Variants in SNTG2 observed in about 807,000 individuals in gnomAD.
The protein encoded by SNTG2 is syntrophin gamma 2, also known as gamma-2-syntrophin.
In SNTG2, 74 loss-of-function variants were observed where a neutral mutation model predicts 70.9. That is an observed-to-expected ratio of 1.04 (90% CI 0.86 to 1.27). The LOEUF is 1.27. Ranked by LOEUF, SNTG2 falls within the 50% of genes most tolerant of loss-of-function variation. The pLI, the probability that SNTG2 is intolerant of heterozygous loss-of-function variation, is 0.00. For missense variants in SNTG2, 717 were observed against 690.7 expected, an observed-to-expected ratio of 1.04 and a Z score of -0.43; for synonymous variants, 278 against 273.8, an observed-to-expected ratio of 1.02 and a Z score of -0.15.
At chr2:1,067,605 G>A (rs1251850233) in intron 1 of SNTG2, among the ~76,000 whole-genome samples, 1 of 152,110 alleles carries the variant, frequency 6.6e-6, no homozygotes, top group Non-Finnish European at 1.5e-5. Context: ...TGAAGTTTGG[G>A]CTCAAAGAGA....
intron 14 of SNTG2, among the ~76,000 whole-genome samples, chr2:1,297,788 G>A (rs1365350231): frequency 4.6e-5 from 7 of 152,198 alleles, no homozygotes; most frequent in Non-Finnish European, 1.0e-4. Flanking sequence ...TCTTGTCCTC[G>A]TTCCACGTTA....
chr2:1,223,771 T>C (rs112880476), intron 9 of SNTG2, among the ~76,000 whole-genome samples: 22 of 152,332 alleles, frequency 1.4e-4, no homozygotes, highest in African/African-American at 5.1e-4. Context: ...CTCAGCACAC[T>C]AACCTGGCTC....
rs541599583 is a variant in SNTG2, at chr2:1,126,768, T to C, written c.326-10854T>C. On this transcript the variant is annotated intron_variant, in intron 4 of 16. Transcript: ENST00000308624. The stretch of plus-strand genomic sequence containing the variant: ...TTCATATATTTAGTCATTTTTCTTC[T>C]TTTGAGAAATGTCTATTCAGCTGAT... 1.0e-3 allele frequency among the ~76,000 whole-genome samples: 154 copies of C among 152,340 alleles called. 2 individuals are homozygous for C. The South Asian group carries it at 0.019, about 19-fold the overall frequency.
chr2:1,274,530 A>G lies in SNTG2; in HGVS notation c.1284+6959A>G, dbSNP rs182949224. 4.6e-5 allele frequency among the ~76,000 whole-genome samples: 7 copies of G among 152,290 alleles called. No individual in the cohort carries two copies. The East Asian group carries it at 1.4e-3, about 29-fold the overall frequency. ...GTCCACTTCATTGAGTTTTTCTTTC[A>G]CGGATTGTGTTTTTGGTGTCACACC... On this transcript the variant is annotated intron_variant, in intron 14 of 16. Transcript: ENST00000308624.
At chr2:1,113,635 C>G (rs951131718) in intron 4 of SNTG2, among the ~76,000 whole-genome samples, 1 of 151,340 alleles carries the variant, frequency 6.6e-6, no homozygotes, top group Non-Finnish European at 1.5e-5. Flanking sequence ...TGAGGTTTAA[C>G]CCTTACAGTC....
chr2:989,776 T>G (rs1661432416), intron 1 of SNTG2, among the ~76,000 whole-genome samples: 1 of 152,256 alleles, frequency 6.6e-6, no homozygotes, highest in African/African-American at 2.4e-5. Context: ...GACTTAAGAC[T>G]AGACCCTTCT....
intron 7 of SNTG2, among the ~76,000 whole-genome samples, chr2:1,169,596 C>T (rs5024306): frequency 0.32 from 48,212 of 151,854 alleles, 8,193 homozygotes; most frequent in East Asian, 0.65. Context: ...CCTGTGGGGC[C>T]GGAGGCTGTC....
intron 1 of SNTG2, among the ~76,000 whole-genome samples, chr2:991,973 A>G (rs1487633508): frequency 6.6e-6 from 1 of 152,172 alleles, no homozygotes; most frequent in Non-Finnish European, 1.5e-5. Context: ...AAGTGACAGA[A>G]ACATTGACTC....
chr2:1,117,418 T>TC (rs2148277869), intron 4 of SNTG2, among the ~76,000 whole-genome samples: 1 of 152,320 alleles, frequency 6.6e-6, no homozygotes, highest in South Asian at 2.1e-4. Context: ...TTCCTTTTTT[T>TC]CTTTCTCGTT....
At chr2:1,083,370 T>C in intron 1 of SNTG2, 148 bp from the exon 2 acceptor site, 1 of 603,654 alleles carries the variant, frequency 1.7e-6, no homozygotes. Flanking sequence ...ATGAATCAAA[T>C]CCTTATCGGT....
At chr2:1,310,093 C>T (rs1572960156) in intron 15 of SNTG2, among the ~76,000 whole-genome samples, 1 of 152,230 alleles carries the variant, frequency 6.6e-6, no homozygotes, top group Non-Finnish European at 1.5e-5. Flanking sequence ...GCTTCTTGCT[C>T]TGTGTTTCAA....
chr2:1,267,492 A>T lies in SNTG2; in HGVS notation c.1205A>T (p.Asn402Ile). The T allele has an allele frequency of 6.2e-7, 1 of 1,613,918 alleles. No individual in the cohort carries two copies. The highest frequency in any genetic ancestry group is 8.5e-7 in the Non-Finnish European group (1 of 1,179,892). The part of the protein sequence containing the change: ...VAGHGKSHVF[N>I]VELGSELAMW... ...GGCCATGGGAAGAGCCATGTTTTCAACGTGGAGCTTGGCAGCGAGCTGGCC... is the reference window on the plus strand; with the variant it reads ...GGCCATGGGAAGAGCCATGTTTTCATCGTGGAGCTTGGCAGCGAGCTGGCC... The change falls in exon 14 of 17, where the codon AAC becomes ATC. Residue 402 changes from asparagine to isoleucine, a missense_variant. By Grantham distance (149) the Asn-to-Ile change is moderately radical. Transcript: ENST00000308624.
intron 13 of SNTG2, among the ~76,000 whole-genome samples, chr2:1,262,531 T>C (rs1678466380): frequency 6.6e-6 from 1 of 151,440 alleles, no homozygotes; most frequent in African/African-American, 2.5e-5. Context: ...AAGCAAATGC[T>C]CTAAAGATAG....
chr2:1,181,856 A>G lies in SNTG2; in HGVS notation c.591+8673A>G, dbSNP rs1239603217. ...CGTAGTTTAAGATTCTAAGTTCATT[A>G]TTTATACTATGCCATTTTTGTCTCA... On this transcript the variant is annotated intron_variant, in intron 8 of 16. Transcript: ENST00000308624. Among the ~76,000 whole-genome samples, 5 of 152,136 alleles carry G rather than the reference A, an allele frequency of 3.3e-5. No individual in the cohort carries two copies. The East Asian group carries it at 7.7e-4, about 23-fold the overall frequency.
At chr2:1,259,296 CTA>C in intron 12 of SNTG2, 72 bp from the exon 13 acceptor site, 1 of 1,330,908 alleles carries the variant, frequency 7.5e-7, no homozygotes, top group African/African-American at 1.4e-5. Flanking sequence ...TGCAGTCACA[CTA>C]TTGTAAATTT....
intron 11 of SNTG2, among the ~76,000 whole-genome samples, chr2:1,244,558 T>A (rs1237803279): frequency 6.6e-6 from 1 of 151,760 alleles, no homozygotes; most frequent in African/African-American, 2.4e-5. Context: ...TAGCAGGGCG[T>A]GGTGGCGGGC....
chr2:1,281,897 G>A (rs182374583), intron 14 of SNTG2, among the ~76,000 whole-genome samples: 87 of 152,250 alleles, frequency 5.7e-4, no homozygotes, highest in African/African-American at 2.0e-3. Flanking sequence ...CTGCACCCCC[G>A]TCCGTGTCTC....
At chr2:974,956 T>C (rs1660861404) in intron 1 of SNTG2, among the ~76,000 whole-genome samples, 1 of 152,228 alleles carries the variant, frequency 6.6e-6, no homozygotes, top group African/African-American at 2.4e-5. Flanking sequence ...TGCCCTTGTA[T>C]TTTATTAATT....
intron 4 of SNTG2, among the ~76,000 whole-genome samples, chr2:1,126,143 C>T (rs1271363507): frequency 6.6e-6 from 1 of 152,170 alleles, no homozygotes; most frequent in African/African-American, 2.4e-5. Context: ...CTCCACATCT[C>T]TCTTACCTCC....
Sources: gnomAD v4.1 joint callset for allele counts (sites outside exome capture counted in the v4.1 genomes callset) on GRCh38, gnomAD v4.1.1 for gene constraint, MANE v1.5 for transcripts, NCBI Gene and HGNC (gene_info 2026-07-23, HGNC 2026-07-21) for gene names.